ADAM12: variants seen among roughly 807,000 people sequenced by gnomAD.
ADAM12 encodes the protein ADAM metallopeptidase domain 12, also known as disintegrin and metalloproteinase domain-containing protein 12.
ADAM12 carries 70 observed loss-of-function variants against 106.4 expected under a neutral mutation model. The ratio of observed to expected loss-of-function variants is 0.66; its 90% CI spans 0.54 to 0.80. The LOEUF (loss-of-function observed/expected upper bound fraction) is 0.80. Among genes scored for constraint, ADAM12 ranks in the 30% least tolerant of loss-of-function variants. The probability of loss-of-function intolerance (pLI) is 0.00; values close to 1 mark genes in which losing one functional copy is unlikely to be tolerated. For synonymous variants in ADAM12, 420 were observed against 433.5 expected, an observed-to-expected ratio of 0.97 and a Z score of 0.39; for missense variants, 1,010 against 1,171.9, an observed-to-expected ratio of 0.86 and a Z score of 2.02.
intron 2 of ADAM12, among the ~76,000 whole-genome samples, chr10:126,312,221 A>G (rs1343303867): frequency 3.3e-5 from 5 of 151,948 alleles, no homozygotes; most frequent in Non-Finnish European, 7.4e-5. Flanking sequence ...GTACAGCTGC[A>G]ATGAGACGAC....
In ADAM12 at chr10:126,017,111, CAG is replaced by C. The variant is rs1953674188; in HGVS notation, c.*166_*167del. On this transcript the variant is annotated 3_prime_UTR_variant, in exon 23 of 23. Coordinates refer to ENST00000448723, the MANE Select transcript of ADAM12 (RefSeq NM_001288973.2). ...ATTTACAAGTACCTGAGCAAGTAGA[CAG>C]AGCACCATAGCACAGCACAGCACTG... The C allele has an allele frequency of 3.5e-6, 2 of 578,536 alleles. No homozygotes were observed. Among genetic ancestry groups the C allele is most frequent in the South Asian group, 5.7e-5 (2 of 35,346 alleles). The allele number at this position is 578,536 out of a possible 1,614,324, so 35.8% of individuals were successfully genotyped here. A position where few individuals can be genotyped will look rare whatever the true frequency, so the allele number is the denominator to read the frequency against.
chr10:126,303,752 T>A (rs1034202235), intron 2 of ADAM12, among the ~76,000 whole-genome samples: 3 of 152,128 alleles, frequency 2.0e-5, no homozygotes, highest in African/African-American at 7.2e-5. Flanking sequence ...CTGTGGTGGG[T>A]TTGGCTTCCT....
At chr10:126,335,983 A>C (rs746957969) in intron 1 of ADAM12, among the ~76,000 whole-genome samples, 1 of 152,218 alleles carries the variant, frequency 6.6e-6, no homozygotes, top group African/African-American at 2.4e-5. Context: ...AAACAAGGAC[A>C]GTCTGAGGTA....
chr10:126,196,005 A>G (rs538926414), intron 3 of ADAM12, among the ~76,000 whole-genome samples: 5 of 151,862 alleles, frequency 3.3e-5, no homozygotes, highest in African/African-American at 9.7e-5. Flanking sequence ...TGTTTCTTAT[A>G]AAGTTTTATA....
At chr10:126,157,035 G>A (rs1216125669) in intron 3 of ADAM12, among the ~76,000 whole-genome samples, 3 of 151,260 alleles carry the variant, frequency 2.0e-5, no homozygotes, top group East Asian at 3.9e-4. Flanking sequence ...GTGTGTGTGG[G>A]GGGGTGCTCC....
At chr10:126,139,231 C>T (rs2886678) in intron 4 of ADAM12, among the ~76,000 whole-genome samples, 6 of 151,828 alleles carry the variant, frequency 4.0e-5, no homozygotes, top group Non-Finnish European at 8.8e-5. Context: ...TCTTTTAATA[C>T]GGTCATTTTT....
intron 3 of ADAM12, among the ~76,000 whole-genome samples, chr10:126,190,872 C>T (rs2133802307): frequency 6.6e-6 from 1 of 151,892 alleles, no homozygotes; most frequent in South Asian, 2.1e-4. Context: ...GGGGTTAGAG[C>T]ACGCAGCAGG....
intron 2 of ADAM12, among the ~76,000 whole-genome samples, chr10:126,293,127 C>T (rs1399953102): frequency 6.6e-6 from 1 of 152,192 alleles, no homozygotes; most frequent in African/African-American, 2.4e-5. Context: ...ACTGGCATGG[C>T]CCCAAAGTGG....
chr10:126,261,045 T>C (rs987444739), intron 3 of ADAM12, among the ~76,000 whole-genome samples: 4 of 152,200 alleles, frequency 2.6e-5, no homozygotes, highest in African/African-American at 9.7e-5. Flanking sequence ...GCATTTACAT[T>C]GTATTAGGTA....
At chr10:126,184,762 C>G (rs1957370186) in intron 3 of ADAM12, among the ~76,000 whole-genome samples, 1 of 152,212 alleles carries the variant, frequency 6.6e-6, no homozygotes, top group Non-Finnish European at 1.5e-5. Context: ...CAGCACACAG[C>G]AGCAGAACAT....
intron 3 of ADAM12, among the ~76,000 whole-genome samples, chr10:126,195,962 G>A (rs546853078): frequency 6.6e-6 from 1 of 152,198 alleles, no homozygotes; most frequent in Non-Finnish European, 1.5e-5. Context: ...GCATCTAAGT[G>A]GGGCAGGGGT....
chr10:126,067,100 A>G (rs1316185842), intron 12 of ADAM12: 15 of 388,224 alleles, frequency 3.9e-5, no homozygotes, highest in Non-Finnish European at 7.3e-5. Flanking sequence ...TCAGCAGTAC[A>G]CTGGGGCTCT....
chr10:126,248,848 G>C (rs1000731820), intron 3 of ADAM12, among the ~76,000 whole-genome samples: 17 of 152,138 alleles, frequency 1.1e-4, no homozygotes, highest in African/African-American at 4.1e-4. Flanking sequence ...TGGGACTACA[G>C]ACAGGCGCCA....
At chr10:126,041,375 T>C (rs1220910531) in intron 18 of ADAM12, 3 of 985,682 alleles carry the variant, frequency 3.0e-6, no homozygotes, top group Non-Finnish European at 3.6e-6. Context: ...TATGCAGTAA[T>C]GGCCACGGGG....
At position 126,036,239 on chromosome 10, in the gene ADAM12, A is replaced by G; in HGVS notation, c.2436T>C (p.Thr812=). The G allele has an allele frequency of 6.4e-7, 1 of 1,553,642 alleles. No individual in the cohort carries two copies. Among genetic ancestry groups the G allele is most frequent in the Non-Finnish European group, 8.7e-7 (1 of 1,155,620 alleles). ...NGLNVPQPQS[T]QRVLPPLHRA... ...GGTGGAGGGGAGGAAGCACTCGCTG[A>G]GTTGACTGGGGCTGAGGGACATTCA... The change falls in exon 21 of 23, where the codon ACT becomes ACC. Residue 812 remains threonine, a synonymous_variant. Transcript: ENST00000448723.
rs1953659571 is a variant in ADAM12 at position 126,016,256 on chromosome 10, A to G, written c.*1023T>C. The G allele has an allele frequency of 6.6e-6, 1 of 152,206 alleles. No individual in the cohort carries two copies. Among genetic ancestry groups the G allele is most frequent in the South Asian group, 2.1e-4 (1 of 4,830 alleles). 9.4% of individuals were successfully genotyped at this position (152,206 alleles called of 1,614,324 possible). A position where few individuals can be genotyped will look rare whatever the true frequency, so the allele number is the denominator to read the frequency against. On this transcript the variant is annotated 3_prime_UTR_variant, in exon 23 of 23. Coordinates refer to ENST00000448723, the MANE Select transcript of ADAM12 (RefSeq NM_001288973.2). ...TAATTGTTAATAAGTTGAACCTTGC[A>G]GTAAACAGACTTGATTGACTAGATC...
At chr10:126,103,586 G>C (rs534913171) in intron 8 of ADAM12, among the ~76,000 whole-genome samples, 1 of 152,174 alleles carries the variant, frequency 6.6e-6, no homozygotes, top group East Asian at 1.9e-4. Context: ...TGGAACACAG[G>C]CCAGCTAACC....
At chr10:126,045,971 G>T in intron 17 of ADAM12, 84 bp downstream of exon 17, 1 of 1,245,214 alleles carries the variant, frequency 8.0e-7, no homozygotes, top group Non-Finnish European at 1.2e-6. Flanking sequence ...AAAATGCTAT[G>T]GATTGCAAAA....
At chr10:126,368,737 C>T (rs1362282659) in intron 1 of ADAM12, among the ~76,000 whole-genome samples, 1 of 151,564 alleles carries the variant, frequency 6.6e-6, no homozygotes, top group Non-Finnish European at 1.5e-5. Context: ...TGAATTTTTA[C>T]TCATTTAGGC....
Sources: allele counts gnomAD v4.1 joint callset (sites outside exome capture counted in the v4.1 genomes callset), GRCh38; gene constraint gnomAD v4.1.1; transcripts MANE v1.5; gene names NCBI Gene and HGNC (gene_info 2026-07-23, HGNC 2026-07-21).